WDR33: variants seen among roughly 807,000 people sequenced by gnomAD.
WDR33 encodes the protein WD repeat domain 33.
WDR33 carries 47 observed loss-of-function variants against 164.9 expected under a neutral mutation model. The ratio of observed to expected loss-of-function variants is 0.29; its 90% CI spans 0.23 to 0.36. The LOEUF is 0.36. Among genes scored for constraint, WDR33 ranks in the 10% least tolerant of loss-of-function variants. WDR33 has a pLI of 1.00. For synonymous variants in WDR33, 505 were observed against 589.0 expected (o/e 0.86, Z 2.06); for missense variants, 1,137 against 1,754.1 (o/e 0.65, Z 6.28).
At chr2:127,711,776 A>ATTTTTTTTTTTT (rs1284723078) in intron 18 of WDR33, among the ~76,000 whole-genome samples, 2 of 94,082 alleles carry the variant, frequency 2.1e-5, no homozygotes, top group African/African-American at 5.8e-5. Flanking sequence ...ATATATATAT[A>ATTTTTTTTTTTT]TATATTTTTT....
In WDR33 at chr2:127,721,181, CACTGAA is replaced by C. The variant is rs1289515259; in HGVS notation, c.1671+649_1671+654del. 6.6e-6 allele frequency among the ~76,000 whole-genome samples: 1 copy of C among 152,144 alleles called. No individual in the cohort carries two copies. Among genetic ancestry groups the C allele is most frequent in the Non-Finnish European group, 1.5e-5 (1 of 68,032 alleles). ...GGAGTGCAGTGGTACGATCTCGGCT[CACTGAA>C]ACTTCTGCCTCTGGAGTTCAAGCCA... On this transcript the variant is annotated intron_variant, in intron 15 of 21. Transcript: ENST00000322313. The surrounding 1 kb of genome is among the most constrained non-coding windows in gnomAD (Gnocchi z 4.9).
At chr2:127,790,949 T>C (rs1156866973) in intron 1 of WDR33, among the ~76,000 whole-genome samples, 1 of 152,162 alleles carries the variant, frequency 6.6e-6, no homozygotes, top group East Asian at 1.9e-4. Context: ...GTAAGATCTG[T>C]AGTAATATTC....
chr2:127,764,368 T>C lies in WDR33; in HGVS notation c.626+460A>G. 7.0e-7 allele frequency: 1 copy of C among 1,426,194 alleles called. No individual in the cohort carries two copies. Among genetic ancestry groups the C allele is most frequent in the Non-Finnish European group, 9.2e-7 (1 of 1,091,874 alleles). The allele number at this position is 1,426,194 out of a possible 1,614,324, so 88.3% of individuals were successfully genotyped here. On this transcript the variant is annotated intron_variant, in intron 6 of 21. Coordinates refer to ENST00000322313, the MANE Select transcript of WDR33 (RefSeq NM_018383.5). The surrounding 1 kb of genome is among the most constrained non-coding windows in gnomAD (Gnocchi z 6.2). ...TTAGTCCTATACTTTCCTTTGGAAG[T>C]CGTGGCATAACCAAGCCAACCAGGT...
At chr2:127,753,909 C>A (rs72846261) in intron 7 of WDR33, among the ~76,000 whole-genome samples, 2,162 of 152,208 alleles carry the variant, frequency 0.014, 25 homozygotes, top group Middle Eastern at 0.085. Context: ...TCTTTCAAAG[C>A]CTAACCTACC....
In WDR33 at chr2:127,724,935, A is replaced by T; in HGVS notation, c.1037T>A (p.Leu346His). The change falls in exon 10 of 22, where the codon CTT (leucine) becomes CAT (histidine). Residue 346 changes from leucine to histidine, a missense_variant. Transcript: ENST00000322313. This position sits in a 1 kb window ranked among gnomAD's most constrained non-coding sequence, Gnocchi z 4.8. ...ACCATCAGACCCTCCACTGGCAAAA[A>T]GTCCTTCATGAACAGGATGCCAGGC... ...AVAWHPVHEG[L>H]FASGGSDGSL... 1.9e-6 allele frequency: 3 copies of T among 1,614,236 alleles called. No individual in the cohort carries two copies. The highest frequency in any genetic ancestry group is 4.5e-5 in the East Asian group (2 of 44,890).
intron 1 of WDR33, among the ~76,000 whole-genome samples, chr2:127,798,370 A>C (rs1689116555): frequency 7.2e-6 from 1 of 139,470 alleles, no homozygotes; most frequent in Admixed American, 7.1e-5. Context: ...ACCGTCGCAA[A>C]AAAAAAAAAA....
In WDR33 at chr2:127,707,244, AAG is replaced by A. The variant is rs1491019480; in HGVS notation, c.3782-694_3782-693del. ...AGAATATATTTAAAAAAAAAAAAAA[AAG>A]AAAAAAAAGAAAGGAAAAGGAAAAA... On this transcript the variant is annotated intron_variant, in intron 21 of 21. Transcript: ENST00000322313. Among the ~76,000 whole-genome samples, 44 of 151,546 alleles carry A rather than the reference AAG, an allele frequency of 2.9e-4. No individual in the cohort carries two copies. The South Asian group carries it at 6.7e-3, about 23-fold the overall frequency.
chr2:127,803,947 CAAAAAAAA>C (rs559652976), intron 1 of WDR33, among the ~76,000 whole-genome samples: 21 of 61,908 alleles, frequency 3.4e-4, no homozygotes, highest in African/African-American at 1.2e-3. Flanking sequence ...GACCCAGTCT[CAAAAAAAA>C]AAAAAAAAAA....
chr2:127,740,049 A>C (rs150874758), intron 7 of WDR33, among the ~76,000 whole-genome samples: 1,607 of 152,266 alleles, frequency 0.011, 28 homozygotes, highest in African/African-American at 0.036. Context: ...TTTTTTAAGA[A>C]AGACAGATAC....
intron 7 of WDR33, among the ~76,000 whole-genome samples, chr2:127,744,415 GTAA>G (rs1358863025): frequency 6.6e-6 from 1 of 152,168 alleles, no homozygotes; most frequent in Non-Finnish European, 1.5e-5. Context: ...GACTGGGGTA[GTAA>G]TGATGCAGAA....
rs1026844794 is a variant in WDR33 at position 127,701,577 on chromosome 2, G to A, written c.*4746C>T. 1.5e-6 allele frequency: 2 copies of A among 1,363,316 alleles called. No homozygotes were observed. Among genetic ancestry groups the A allele is most frequent in the East Asian group, 3.0e-5 (1 of 33,156 alleles). 84.5% of individuals were successfully genotyped at this position (1,363,316 alleles called of 1,614,324 possible). A position where few individuals can be genotyped will look rare whatever the true frequency, so the allele number is the denominator to read the frequency against. On this transcript the variant is annotated 3_prime_UTR_variant, in exon 22 of 22. Transcript: ENST00000322313. ...GCAGGAGTACCTGGCGCAGGGGAAA[G>A]CTGGCGGCCCGGCGGCCGCGGAGCC...
In WDR33 at chr2:127,722,045, A is replaced by G. The variant is rs1686454905; in HGVS notation, c.1519-57T>C. 1 of 1,578,322 alleles carries G rather than the reference A, an allele frequency of 6.3e-7. No homozygotes were observed. On this transcript the variant is annotated intron_variant, in intron 14 of 21. Coordinates refer to ENST00000322313, the MANE Select transcript of WDR33 (RefSeq NM_018383.5). This position sits in a 1 kb window ranked among gnomAD's most constrained non-coding sequence, Gnocchi z 5.1. ...CTAAGTATGAAAATTACAATGATAG[A>G]ATGAGAAAACCACTCTACAATGTCA...
At chr2:127,742,553 T>TCAC (rs1687049990) in intron 7 of WDR33, among the ~76,000 whole-genome samples, 1 of 115,076 alleles carries the variant, frequency 8.7e-6, no homozygotes, top group Admixed American at 8.5e-5. Flanking sequence ...GAAGAAAAAA[T>TCAC]CACCAGAAGG....
chr2:127,808,829 G>A (rs554268421), intron 1 of WDR33, among the ~76,000 whole-genome samples: 2 of 152,240 alleles, frequency 1.3e-5, no homozygotes, highest in East Asian at 1.9e-4. Context: ...AGGAGATCGA[G>A]ACCATCCTAG....
intron 7 of WDR33, among the ~76,000 whole-genome samples, chr2:127,728,269 A>G (rs1223338224): frequency 6.6e-6 from 1 of 152,232 alleles, no homozygotes; most frequent in Non-Finnish European, 1.5e-5. Context: ...AAATGACCCT[A>G]TAGATGATTT....
rs1687766971 is a variant in WDR33, at chr2:127,764,586, A to G, written c.626+242T>C. 1 of 1,551,836 alleles carries G rather than the reference A, an allele frequency of 6.4e-7. No individual in the cohort carries two copies. The highest frequency in any genetic ancestry group is 1.2e-5 in the South Asian group (1 of 83,882). ...ATAAATGAAAAGAGAAAACCAGTGC[A>G]AAATGCGGCAGACAGTACATCTCTA... On this transcript the variant is annotated intron_variant, in intron 6 of 21. Transcript: ENST00000322313. The surrounding 1 kb of genome is among the most constrained non-coding windows in gnomAD (Gnocchi z 6.2).
intron 21 of WDR33, among the ~76,000 whole-genome samples, chr2:127,707,579 TCAGCCA>T (rs1381761687): frequency 3.9e-5 from 6 of 152,214 alleles, no homozygotes; most frequent in African/African-American, 1.2e-4. Context: ...CCCAAGAAAG[TCAGCCA>T]AGGTCACAGC....
At position 127,726,896 on chromosome 2, in the gene WDR33, G is replaced by A; in HGVS notation, c.725-119C>T. ...TCAGTGCTCAGTCAACTTAAAACTT[G>A]TTTTGTGAAGACTCTTTGGCCTCTG... is the stretch of plus-strand genomic sequence containing the variant. On this transcript the variant is annotated intron_variant, in intron 7 of 21. Coordinates refer to ENST00000322313, the MANE Select transcript of WDR33 (RefSeq NM_018383.5). This position sits in a 1 kb window ranked among gnomAD's most constrained non-coding sequence, Gnocchi z 4.8. The A allele has an allele frequency of 7.5e-7, 1 of 1,328,354 alleles. No homozygotes were observed. Among genetic ancestry groups the A allele is most frequent in the Admixed American group, 2.1e-5 (1 of 47,490 alleles). 82.3% of individuals were successfully genotyped at this position (1,328,354 alleles called of 1,614,324 possible). A position where few individuals can be genotyped will look rare whatever the true frequency, so the allele number is the denominator to read the frequency against.
chr2:127,790,675 A>G (rs1355963067), intron 1 of WDR33, among the ~76,000 whole-genome samples: 1 of 152,134 alleles, frequency 6.6e-6, no homozygotes, highest in African/African-American at 2.4e-5. Context: ...TGGCCAGAGG[A>G]CCACAGTTCA....
Sources: gnomAD v4.1 joint callset for allele counts (sites outside exome capture counted in the v4.1 genomes callset) on GRCh38, gnomAD v4.1.1 for gene constraint, Gnocchi (gnomAD v3.1) non-coding constraint, MANE v1.5 for transcripts, NCBI Gene and HGNC (gene_info 2026-07-23, HGNC 2026-07-21) for gene names.